DIO1: variants seen among roughly 807,000 people sequenced by gnomAD.
The protein encoded by DIO1 is iodothyronine deiodinase 1, also known as type I iodothyronine deiodinase.
In DIO1, 17 loss-of-function variants were observed where a neutral mutation model predicts 25.9. The observed-to-expected ratio is 0.66, with a 90% CI of 0.45 to 0.98. The LOEUF (loss-of-function observed/expected upper bound fraction) is 0.98, where lower values mean the gene tolerates loss of function less well. DIO1 is among the 50% of genes least tolerant of loss of function. DIO1 has a pLI of 0.00. For synonymous variants in DIO1, 115 were observed against 114.0 expected (o/e 1.01, Z -0.05); for missense variants, 270 against 310.4 (o/e 0.87, Z 0.98).
At chr1:53,896,585 T>C (rs1195231184) in intron 1 of DIO1, among the ~76,000 whole-genome samples, 1 of 152,218 alleles carries the variant, frequency 6.6e-6, no homozygotes, top group African/African-American at 2.4e-5. Flanking sequence ...CTATGTAGTG[T>C]TGCCTGGTCA....
chr1:53,897,545 A>G (rs986199166), intron 1 of DIO1, among the ~76,000 whole-genome samples: 3 of 152,202 alleles, frequency 2.0e-5, no homozygotes, highest in African/African-American at 7.2e-5. Context: ...CTGCTGCTGC[A>G]GCTGAGACTG....
chr1:53,907,912 GGAAAAAAAAA>G (rs1433708951), intron 3 of DIO1, among the ~76,000 whole-genome samples: 5 of 71,848 alleles, frequency 7.0e-5, no homozygotes, highest in African/African-American at 2.3e-4. Flanking sequence ...ACTCTGTCTC[GGAAAAAAAAA>G]AAAAAAAAAA....
intron 3 of DIO1, 32 bp downstream of exon 3, chr1:53,906,326 G>A (rs1651655817): frequency 1.3e-6 from 2 of 1,581,198 alleles, no homozygotes; most frequent in Non-Finnish European, 1.7e-6. Flanking sequence ...GCCCAGGGAG[G>A]GCAAAGGGGC....
At position 53,904,549 on chromosome 1, in the gene DIO1, T is replaced by C. The variant is rs114936164; in HGVS notation, c.338-117T>C. On this transcript the variant is annotated intron_variant, in intron 1 of 3. Coordinates refer to ENST00000361921, the MANE Select transcript of DIO1 (RefSeq NM_000792.7). ...GGACCCCAGTGCCTAGGACCCATCC[T>C]GGGGTGGGGGGTAGGGGGAAATAAA... 3.1e-3 allele frequency: 4,043 copies of C among 1,323,508 alleles called. 94 individuals are homozygous for C. In the African/African-American group the frequency reaches 0.055, roughly 18 times the overall value. 82.0% of individuals were successfully genotyped at this position (1,323,508 alleles called of 1,614,324 possible). A position where few individuals can be genotyped will look rare whatever the true frequency, so the allele number is the denominator to read the frequency against.
At chr1:53,896,644 AT>A (rs1203620201) in intron 1 of DIO1, among the ~76,000 whole-genome samples, 2 of 151,804 alleles carry the variant, frequency 1.3e-5, no homozygotes, top group Non-Finnish European at 2.9e-5. Context: ...ATGCAATTTC[AT>A]GTGCAATTTC....
chr1:53,900,350 T>A (rs1235524232), intron 1 of DIO1, among the ~76,000 whole-genome samples: 1 of 152,196 alleles, frequency 6.6e-6, no homozygotes, highest in Non-Finnish European at 1.5e-5. Flanking sequence ...ACGCCTGTAA[T>A]CCCAGCACTT....
At position 53,894,725 on chromosome 1, in the gene DIO1, A is replaced by G. The variant is rs1249429693; in HGVS notation, c.337+178A>G. Among the ~76,000 whole-genome samples the G allele has an allele frequency of 1.3e-5, 2 of 152,116 alleles. No individual in the cohort carries two copies. Among genetic ancestry groups the G allele is most frequent in the Non-Finnish European group, 2.9e-5 (2 of 68,016 alleles). The stretch of plus-strand genomic sequence containing the variant: ...CTTGTGGATTGTTTCTCTAAGTAAC[A>G]TCACCACCTTCCCAGGCACTCAAAT... On this transcript the variant is annotated intron_variant, in intron 1 of 3. Transcript: ENST00000361921. The surrounding 1 kb of genome is among the most constrained non-coding windows in gnomAD (Gnocchi z 4.9).
chr1:53,903,305 T>TG (rs1249519457), intron 1 of DIO1: 1 of 151,528 alleles, frequency 6.6e-6, no homozygotes, highest in Non-Finnish European at 1.5e-5. Flanking sequence ...CAATACCCTG[T>TG]GGGTTGGGGT....
intron 1 of DIO1, among the ~76,000 whole-genome samples, chr1:53,895,840 C>T (rs1053649850): frequency 4.6e-5 from 7 of 152,180 alleles, no homozygotes; most frequent in East Asian, 3.9e-4. Context: ...TTGCTGACAT[C>T]GGCTGGTCAA....
At chr1:53,905,703 C>T (rs1651618881) in intron 2 of DIO1, among the ~76,000 whole-genome samples, 1 of 152,222 alleles carries the variant, frequency 6.6e-6, no homozygotes, top group South Asian at 2.1e-4. Flanking sequence ...CTGATCTAAA[C>T]CCTTGCCTCT....
At chr1:53,896,617 T>G (rs1180226137) in intron 1 of DIO1, among the ~76,000 whole-genome samples, 1 of 152,220 alleles carries the variant, frequency 6.6e-6, no homozygotes, top group Non-Finnish European at 1.5e-5. Context: ...AAACCCTGAA[T>G]ACTATATCCC....
Position 53,910,051 on chromosome 1 carries a change from T to G in DIO1, c.*52T>G. The G allele has an allele frequency of 1.3e-6, 2 of 1,519,558 alleles. No individual in the cohort carries two copies. The highest frequency in any genetic ancestry group is 1.8e-6 in the Non-Finnish European group (2 of 1,093,832). The allele number at this position is 1,519,558 out of a possible 1,614,324, so 94.1% of individuals were successfully genotyped here. ...GACCAACGGGAGGGCTTCTCAAGGC[T>G]TAGCTCTCCCTGAGACCCAGCTGGC... On this transcript the variant is annotated 3_prime_UTR_variant, in exon 4 of 4. Coordinates refer to ENST00000361921, the MANE Select transcript of DIO1 (RefSeq NM_000792.7).
intron 1 of DIO1, among the ~76,000 whole-genome samples, chr1:53,899,745 G>A (rs767636939): frequency 8.5e-5 from 13 of 152,138 alleles, no homozygotes; most frequent in African/African-American, 1.4e-4. Context: ...TGGCACGATC[G>A]TAGCTCACAG....
At position 53,905,819 on chromosome 1, in the gene DIO1, C is replaced by G. The variant is rs200884582; in HGVS notation, c.482-276C>G. Among the ~76,000 whole-genome samples, 17 of 152,322 alleles carry G rather than the reference C, an allele frequency of 1.1e-4. No individual in the cohort carries two copies. In the East Asian group the frequency reaches 2.3e-3, roughly 21 times the overall value. On this transcript the variant is annotated intron_variant, in intron 2 of 3. Transcript: ENST00000361921. The stretch of plus-strand genomic sequence containing the variant: ...CAGAATCTTCCTATAACAAGGTCCC[C>G]AAATGATTCATGCACATTCAAGATC...
chr1:53,904,527 C>T, intron 1 of DIO1, 139 bp from the exon 2 acceptor site: 2 of 988,082 alleles, frequency 2.0e-6, no homozygotes, highest in Non-Finnish European at 3.0e-6. Context: ...AGGTGTCGGA[C>T]CCCAGTGCCT....
At chr1:53,901,747 A>G (rs554319652) in intron 1 of DIO1, among the ~76,000 whole-genome samples, 34 of 152,246 alleles carry the variant, frequency 2.2e-4, no homozygotes, top group Admixed American at 1.9e-3. Context: ...CAAGTCAGAT[A>G]TAGTCAAGTG....
In DIO1 at chr1:53,909,372, C is replaced by T. The variant is rs140671985; in HGVS notation, c.682-559C>T. The stretch of plus-strand genomic sequence containing the variant: ...CAGAGGTTGCAGTGAATCAAGATTG[C>T]GCCATTGCACTCCAGCCTGGGCAAC... On this transcript the variant is annotated intron_variant, in intron 3 of 3. Transcript: ENST00000361921. Among the ~76,000 whole-genome samples the T allele has an allele frequency of 6.2e-3, 925 of 149,964 alleles. 9 individuals are homozygous for T. The highest frequency in any genetic ancestry group is 0.021 in the African/African-American group (866 of 40,656).
chr1:53,903,292 T>C (rs982957955), intron 1 of DIO1: 1 of 151,680 alleles, frequency 6.6e-6, no homozygotes, highest in Non-Finnish European at 1.5e-5. Flanking sequence ...CTTACAGAGG[T>C]TGCAATACCC....
intron 1 of DIO1, among the ~76,000 whole-genome samples, chr1:53,899,933 G>A (rs1651269191): frequency 6.6e-6 from 1 of 152,100 alleles, no homozygotes. Context: ...GGTCATTGGA[G>A]GCCAGTGACC....
Sources: allele counts gnomAD v4.1 joint callset (sites outside exome capture counted in the v4.1 genomes callset), GRCh38; gene constraint gnomAD v4.1.1; non-coding constraint Gnocchi (gnomAD v3.1); transcripts MANE v1.5; gene names NCBI Gene and HGNC (gene_info 2026-07-23, HGNC 2026-07-21).